Variants in POLR3B observed in about 807,000 individuals in gnomAD.
POLR3B encodes the protein DNA-directed RNA polymerase III subunit RPC2.
Under a neutral mutation model 147.4 loss-of-function variants are expected in POLR3B, and 96 were observed. That is an observed-to-expected ratio of 0.65 (90% CI 0.55 to 0.77). The LOEUF (loss-of-function observed/expected upper bound fraction) is 0.77. Among genes scored for constraint, POLR3B ranks in the 30% least tolerant of loss-of-function variants. The probability of loss-of-function intolerance (pLI) is 0.00; values close to 1 mark genes in which losing one functional copy is unlikely to be tolerated. For missense variants in POLR3B, 1,036 were observed against 1,413.5 expected (o/e 0.73, Z 4.28); for synonymous variants, 461 against 485.9 (o/e 0.95, Z 0.67).
chr12:106,358,109 C>G, intron 1 of POLR3B, 158 bp downstream of exon 1: 1 of 1,501,486 alleles, frequency 6.7e-7, no homozygotes, highest in Non-Finnish European at 8.8e-7. Context: ...AGTCTTTTTT[C>G]CAGAGCCGGC....
At chr12:106,449,167 A>G (rs1041590994) in intron 19 of POLR3B, among the ~76,000 whole-genome samples, 1 of 152,204 alleles carries the variant, frequency 6.6e-6, no homozygotes, top group Non-Finnish European at 1.5e-5. Flanking sequence ...AGTTTCATAT[A>G]CACTTTATAC....
Position 106,430,001 on chromosome 12 carries a change from A to G in POLR3B, c.1264-272A>G, listed in dbSNP as rs146980760. Among the ~76,000 whole-genome samples, 17 of 152,324 alleles carry G rather than the reference A, an allele frequency of 1.1e-4. No homozygotes were observed. In the East Asian group the frequency reaches 3.3e-3, roughly 29 times the overall value. On this transcript the variant is annotated intron_variant, in intron 13 of 27. Coordinates refer to ENST00000228347, the MANE Select transcript of POLR3B (RefSeq NM_018082.6). ...CTTCATTATAGAATTAGTTCCTCAG[A>G]AGGTGAGTGCTCTGATGTGGTAAGG...
chr12:106,420,794 G>A (rs1378465435), intron 12 of POLR3B, among the ~76,000 whole-genome samples: 1 of 152,026 alleles, frequency 6.6e-6, no homozygotes, highest in Non-Finnish European at 1.5e-5. Context: ...ACATTTATAT[G>A]TTATGAAGGG....
chr12:106,388,611 T>G (rs961754943), intron 9 of POLR3B, among the ~76,000 whole-genome samples: 1 of 152,162 alleles, frequency 6.6e-6, no homozygotes, highest in Admixed American at 6.6e-5. Flanking sequence ...CCAATGTGCC[T>G]GGCTGAAATT....
At chr12:106,388,604 A>G (rs1016958728) in intron 9 of POLR3B, among the ~76,000 whole-genome samples, 2 of 152,100 alleles carry the variant, frequency 1.3e-5, no homozygotes, top group African/African-American at 2.4e-5. Flanking sequence ...GCGTGAGCCA[A>G]TGTGCCTGGC....
At chr12:106,491,917 A>G (rs1360589221) in intron 23 of POLR3B, among the ~76,000 whole-genome samples, 1 of 152,214 alleles carries the variant, frequency 6.6e-6, no homozygotes, top group Non-Finnish European at 1.5e-5. Context: ...TTACACTTAG[A>G]AGGTAGACTT....
chr12:106,469,033 C>G (rs1336712926), intron 23 of POLR3B, among the ~76,000 whole-genome samples: 1 of 152,116 alleles, frequency 6.6e-6, no homozygotes, highest in Non-Finnish European at 1.5e-5. Context: ...CTAATATTGA[C>G]AGTGGGGTGT....
intron 9 of POLR3B, among the ~76,000 whole-genome samples, chr12:106,386,513 A>G (rs1309531603): frequency 6.6e-6 from 1 of 152,134 alleles, no homozygotes; most frequent in East Asian, 1.9e-4. Flanking sequence ...ATTATAATGC[A>G]TATAATCTTC....
chr12:106,402,312 G>C (rs2037080017), intron 10 of POLR3B, among the ~76,000 whole-genome samples: 1 of 152,058 alleles, frequency 6.6e-6, no homozygotes, highest in South Asian at 2.1e-4. Flanking sequence ...AATAAAAGAG[G>C]ATACAAACAA....
chr12:106,463,856 C>A (rs905760605), intron 23 of POLR3B, among the ~76,000 whole-genome samples: 1 of 151,964 alleles, frequency 6.6e-6, no homozygotes, highest in Non-Finnish European at 1.5e-5. Context: ...TTGCTATGCC[C>A]AGAATTATAA....
At chr12:106,409,368 T>TTTTTC in intron 11 of POLR3B, among the ~76,000 whole-genome samples, 1 of 146,848 alleles carries the variant, frequency 6.8e-6, no homozygotes, top group Non-Finnish European at 1.5e-5. Context: ...TTTTTTTTTT[T>TTTTTC]TTTCTTGAGG....
In POLR3B at chr12:106,369,608, C is replaced by G. The variant is rs776736710; in HGVS notation, c.329C>G (p.Ser110Cys). The stretch of plus-strand genomic sequence containing the variant: ...TGCCGTTTGAGAGACATGACATACT[C>G]TGCCCCTATTACAGTGGATATTGAA... ...HECRLRDMTY[S>C]APITVDIEYT... Residue 110 changes from serine to cysteine, a missense_variant, in exon 6 of 28, where the codon TCT (serine) becomes TGT (cysteine). Coordinates refer to ENST00000228347, the MANE Select transcript of POLR3B (RefSeq NM_018082.6). 10 of 1,611,914 alleles carry G rather than the reference C, an allele frequency of 6.2e-6. No homozygotes were observed. Among genetic ancestry groups the G allele is most frequent in the Non-Finnish European group, 7.6e-6 (9 of 1,178,030 alleles).
chr12:106,358,440 CA>C, intron 1 of POLR3B, among the ~76,000 whole-genome samples: 2 of 152,288 alleles, frequency 1.3e-5, no homozygotes, highest in Admixed American at 1.3e-4. Flanking sequence ...TAAACGCCCT[CA>C]ATATTTACTA....
At chr12:106,386,740 T>C (rs2036845021) in intron 9 of POLR3B, among the ~76,000 whole-genome samples, 1 of 151,882 alleles carries the variant, frequency 6.6e-6, no homozygotes, top group Non-Finnish European at 1.5e-5. Context: ...ACCCCGTCTT[T>C]ACTAAAAATA....
rs1207579218 is a variant in POLR3B, at chr12:106,366,527, T to G, written c.117T>G (p.Leu39=). The change falls in exon 3 of 28, where the codon CTT becomes CTG. Residue 39 remains leucine, a synonymous_variant. Transcript: ENST00000228347. ...TTCTATCTGTTTAGGTGAAAGGCCT[T>G]GTGAAACAGCATATAGATTCATTTA... ...LLPAFLKVKG[L]VKQHIDSFNY... is the part of the protein sequence containing the mutation. The G allele has an allele frequency of 1.9e-6, 3 of 1,609,556 alleles. No homozygotes were observed. The highest frequency in any genetic ancestry group is 2.5e-6 in the Non-Finnish European group (3 of 1,176,474).
intron 7 of POLR3B, 47 bp downstream of exon 7, chr12:106,376,497 TCTG>T (rs2036681343): frequency 6.3e-6 from 8 of 1,260,704 alleles, no homozygotes; most frequent in South Asian, 1.2e-5. Context: ...ATTCTTTTAT[TCTG>T]CTGCTGCTGT....
intron 7 of POLR3B, 101 bp downstream of exon 7, chr12:106,376,551 A>C: frequency 4.8e-6 from 4 of 834,880 alleles, no homozygotes; most frequent in Non-Finnish European, 6.1e-6. Context: ...CAGCTTTTCT[A>C]CTTTATAATG....
At chr12:106,478,255 C>G (rs1053114430) in intron 23 of POLR3B, among the ~76,000 whole-genome samples, 1 of 152,074 alleles carries the variant, frequency 6.6e-6, no homozygotes, top group African/African-American at 2.4e-5. Context: ...TAGTAAGCTC[C>G]TGAAAATACA....
intron 23 of POLR3B, among the ~76,000 whole-genome samples, chr12:106,468,266 T>C (rs2137041833): frequency 6.6e-6 from 1 of 152,356 alleles, no homozygotes; most frequent in Middle Eastern, 3.4e-3. Context: ...ACTCTGATGG[T>C]AGTTTGTATT....
Sources: allele counts gnomAD v4.1 joint callset (sites outside exome capture counted in the v4.1 genomes callset), GRCh38; gene constraint gnomAD v4.1.1; transcripts MANE v1.5; gene names NCBI Gene and HGNC (gene_info 2026-07-23, HGNC 2026-07-21).